The following ACSM2B variants were observed in gnomAD, a reference collection of about 807,000 sequenced individuals.
ACSM2B encodes acyl-CoA synthetase medium chain family member 2B, also known as acyl-coenzyme A synthetase ACSM2B, mitochondrial.
In ACSM2B, 58 loss-of-function variants were observed where a neutral mutation model predicts 78.6. That is an observed-to-expected ratio of 0.74 (90% CI 0.60 to 0.92). The LOEUF (loss-of-function observed/expected upper bound fraction) is 0.92, where lower values mean the gene tolerates loss of function less well. Among genes scored for constraint, ACSM2B ranks in the 40% least tolerant of loss-of-function variants. The pLI is 0.00. For missense variants in ACSM2B, 688 were observed against 711.2 expected, an observed-to-expected ratio of 0.97 and a Z score of 0.37; for synonymous variants, 257 against 256.8, an observed-to-expected ratio of 1.00 and a Z score of -0.01.
chr16:20,575,198 C>T (rs542686109), intron 1 of ACSM2B, among the ~76,000 whole-genome samples: 3 of 151,616 alleles, frequency 2.0e-5, no homozygotes, highest in African/African-American at 7.3e-5. Flanking sequence ...ATATTCTTTT[C>T]CTCTAGAACC....
intron 12 of ACSM2B, 181 bp downstream of exon 12, chr16:20,542,733 G>C: frequency 1.4e-6 from 1 of 728,666 alleles, no homozygotes; most frequent in Non-Finnish European, 2.2e-6. Context: ...TCATCTTACA[G>C]ATGAAGAAAC....
chr16:20,544,981 G>C (rs1444431413), intron 10 of ACSM2B, among the ~76,000 whole-genome samples, 176 bp downstream of exon 10: 1 of 152,168 alleles, frequency 6.6e-6, no homozygotes, highest in Non-Finnish European at 1.5e-5. Context: ...GCTGAGGATG[G>C]CAAGGCTGAA....
At chr16:20,557,093 T>G (rs1325773293) in intron 3 of ACSM2B, among the ~76,000 whole-genome samples, 6 of 152,102 alleles carry the variant, frequency 3.9e-5, no homozygotes, top group Non-Finnish European at 7.4e-5. Flanking sequence ...AAGAGGTTGC[T>G]GGAGTTTCTT....
chr16:20,559,238 T>C lies in ACSM2B; in HGVS notation c.387A>G (p.Ala129=). ...WWLVILGCIR[A]GLIFMPGTIQ... ...CTGTCCAGGTAGTCAGTTACCAACC[T>C]GCTCGAATGCAGCCCAGGATCACCA... The change falls in exon 3 of 14, where the codon GCA becomes GCG. Residue 129 remains alanine (A), a splice_region_variant and synonymous_variant. Coordinates refer to ENST00000329697, the MANE Select transcript of ACSM2B (RefSeq NM_001105069.2). 6.2e-7 allele frequency: 1 copy of C among 1,608,532 alleles called. No homozygotes were observed. The highest frequency in any genetic ancestry group is 1.1e-5 in the South Asian group (1 of 90,102).
rs914930802 is a variant in ACSM2B, at chr16:20,536,788, CCTCT to C, written c.*466_*469del. Reference sequence around the variant, plus strand: ...CTCTCCCTTTCTCCCTCTCTTTCTCCCTCTCTTTCTTTCTTGTGTTCTTTTGCTC... The same window carrying C: ...CTCTCCCTTTCTCCCTCTCTTTCTCCCTTTCTTTCTTGTGTTCTTTTGCTC... On this transcript the variant is annotated 3_prime_UTR_variant, in exon 14 of 14. Coordinates refer to ENST00000329697, the MANE Select transcript of ACSM2B (RefSeq NM_001105069.2). 6.7e-6 allele frequency: 1 copy of C among 150,274 alleles called. No individual in the cohort carries two copies. Among genetic ancestry groups the C allele is most frequent in the African/African-American group, 2.5e-5 (1 of 40,772 alleles). 9.3% of individuals were successfully genotyped at this position (150,274 alleles called of 1,614,324 possible). A position where few individuals can be genotyped will look rare whatever the true frequency, so the allele number is the denominator to read the frequency against.
intron 5 of ACSM2B, among the ~76,000 whole-genome samples, chr16:20,553,227 A>C (rs2015372309): frequency 6.6e-6 from 1 of 152,154 alleles, no homozygotes; most frequent in African/African-American, 2.4e-5. Flanking sequence ...AACAATTCTG[A>C]TGATTTATAG....
intron 13 of ACSM2B, 111 bp downstream of exon 13, chr16:20,540,543 C>T (rs1046649243): frequency 1.3e-5 from 20 of 1,526,836 alleles, no homozygotes; most frequent in Non-Finnish European, 1.7e-5. Context: ...ATGTCCGGCC[C>T]AGGAAGACTT....
At chr16:20,541,577 A>C (rs1269004004) in intron 12 of ACSM2B, 1 of 151,954 alleles carries the variant, frequency 6.6e-6, no homozygotes, top group Non-Finnish European at 1.5e-5. Flanking sequence ...GCAGGATAGA[A>C]TCCTTCCAGC....
At chr16:20,556,735 G>T (rs2015486185) in intron 3 of ACSM2B, among the ~76,000 whole-genome samples, 1 of 152,166 alleles carries the variant, frequency 6.6e-6, no homozygotes, top group African/African-American at 2.4e-5. Context: ...AACACTTTGG[G>T]ATTCTCACTG....
At chr16:20,567,583 A>C (rs1467293650) in intron 1 of ACSM2B, among the ~76,000 whole-genome samples, 2 of 134,584 alleles carry the variant, frequency 1.5e-5, no homozygotes, top group Non-Finnish European at 3.1e-5. Context: ...AAAAATATAT[A>C]AATAATAATA....
intron 2 of ACSM2B, among the ~76,000 whole-genome samples, chr16:20,561,858 T>A (rs2015665846): frequency 1.1e-5 from 1 of 87,606 alleles, no homozygotes; most frequent in Non-Finnish European, 2.2e-5. Flanking sequence ...ATGTTATCCC[T>A]CCCCCCTCCC....
intron 13 of ACSM2B, among the ~76,000 whole-genome samples, chr16:20,538,394 G>A (rs531806991): frequency 6.6e-6 from 1 of 152,294 alleles, no homozygotes; most frequent in African/African-American, 2.4e-5. Flanking sequence ...CTTTAGCATT[G>A]CCTGGGCAAA....
intron 10 of ACSM2B, chr16:20,544,662 T>C: frequency 1.0e-6 from 1 of 984,794 alleles, no homozygotes; most frequent in Non-Finnish European, 1.2e-6. Context: ...GGCTCCACCA[T>C]CCTCACCTGT....
At chr16:20,539,296 CAATTAGCCT>C (rs1404833679) in intron 13 of ACSM2B, among the ~76,000 whole-genome samples, 2,317 of 47,488 alleles carry the variant, frequency 0.049, 67 homozygotes, top group African/African-American at 0.099. Flanking sequence ...AGACCTATGA[CAATTAGCCT>C]GTGCTGAGGA....
In ACSM2B at chr16:20,545,235, G is replaced by A. The variant is rs866392872; in HGVS notation, c.1203C>T (p.Val401=). The A allele has an allele frequency of 6.2e-7, 1 of 1,613,890 alleles. No individual in the cohort carries two copies. Among genetic ancestry groups the A allele is most frequent in the Non-Finnish European group, 8.5e-7 (1 of 1,179,844 alleles). ...DVQVIDDKGN[V]LPPGTEGDIG... ...TGTCTCCTTCTGTGCCGGGGGGCAGGACGTTGCCCTTATCATCTATAACCT... is the reference window on the plus strand; with the variant it reads ...TGTCTCCTTCTGTGCCGGGGGGCAGAACGTTGCCCTTATCATCTATAACCT... Residue 401 remains valine, a synonymous_variant, in exon 10 of 14, where the codon GTC becomes GTT. Transcript: ENST00000329697.
At chr16:20,552,598 G>A (rs2015352077) in intron 5 of ACSM2B, among the ~76,000 whole-genome samples, 1 of 152,146 alleles carries the variant, frequency 6.6e-6, no homozygotes. Context: ...TTTCTGGCAT[G>A]CATGTGGTAA....
intron 6 of ACSM2B, chr16:20,549,725 T>C (rs1391553678): frequency 6.8e-6 from 3 of 442,494 alleles, no homozygotes; most frequent in African/African-American, 2.0e-5. Context: ...TTTGGTTTTA[T>C]ACATTTTAGG....
At chr16:20,552,713 CTT>C (rs954606165) in intron 5 of ACSM2B, among the ~76,000 whole-genome samples, 4 of 152,166 alleles carry the variant, frequency 2.6e-5, no homozygotes, top group African/African-American at 9.6e-5. Flanking sequence ...CTTCTCTTTT[CTT>C]TAAGTACTGC....
Position 20,545,144 on chromosome 16 carries a change from C to A in ACSM2B, c.1281+13G>T, listed in dbSNP as rs772159338. Reference sequence around the variant, plus strand: ...TCACTGGGGAACAGAGGAGGAGAAGCACAGTTTCTCACCACATAGCCAGAG... The same window carrying A: ...TCACTGGGGAACAGAGGAGGAGAAGAACAGTTTCTCACCACATAGCCAGAG... On this transcript the variant is annotated intron_variant, in intron 10 of 13. Transcript: ENST00000329697. 5 of 1,608,154 alleles carry A rather than the reference C, an allele frequency of 3.1e-6. No homozygotes were observed. The East Asian group carries it at 6.7e-5, about 22-fold the overall frequency.
Sources: gnomAD v4.1 joint callset for allele counts (sites outside exome capture counted in the v4.1 genomes callset) on GRCh38, gnomAD v4.1.1 for gene constraint, MANE v1.5 for transcripts, NCBI Gene and HGNC (gene_info 2026-07-23, HGNC 2026-07-21) for gene names.